The following UNC5D variants were observed in gnomAD, a reference collection of about 807,000 sequenced individuals.
UNC5D encodes the protein netrin receptor UNC5D.
A neutral mutation model predicts 105.4 loss-of-function variants in UNC5D; 39 were observed. That is an observed-to-expected ratio of 0.37 (90% CI 0.29 to 0.48). The LOEUF is 0.48. Among genes scored for constraint, UNC5D ranks in the 20% least tolerant of loss-of-function variants. The probability of loss-of-function intolerance (pLI) is 0.98; values close to 1 mark genes in which losing one functional copy is unlikely to be tolerated. For synonymous variants in UNC5D, 452 were observed against 450.4 expected (o/e 1.00, Z -0.04); for missense variants, 991 against 1,202.4 (o/e 0.82, Z 2.60).
intron 16 of UNC5D, among the ~76,000 whole-genome samples, chr8:35,789,391 A>G (rs530919368): frequency 1.5e-4 from 23 of 151,498 alleles, no homozygotes; most frequent in African/African-American, 5.1e-4. Context: ...TAAATTAGGT[A>G]TAGGTAGTAA....
chr8:35,451,992 T>G (rs77132978), intron 1 of UNC5D, among the ~76,000 whole-genome samples: 3,582 of 152,272 alleles, frequency 0.024, 148 homozygotes, highest in African/African-American at 0.083. Flanking sequence ...AAGCAATACT[T>G]TAGCTCCTTT....
At chr8:35,457,061 C>G (rs1808545770) in intron 1 of UNC5D, among the ~76,000 whole-genome samples, 1 of 152,162 alleles carries the variant, frequency 6.6e-6, no homozygotes, top group Non-Finnish European at 1.5e-5. Context: ...TCCAACTTGA[C>G]TTCATTTTCC....
intron 1 of UNC5D, among the ~76,000 whole-genome samples, chr8:35,268,810 C>A (rs778960742): frequency 6.6e-6 from 1 of 152,014 alleles, no homozygotes; most frequent in Non-Finnish European, 1.5e-5. Context: ...GGAATACAGT[C>A]AGAGAAAGAA....
intron 4 of UNC5D, among the ~76,000 whole-genome samples, chr8:35,649,296 T>C (rs867424203): frequency 3.9e-5 from 6 of 152,054 alleles, no homozygotes; most frequent in African/African-American, 1.2e-4. Flanking sequence ...AGAGATGGCA[T>C]TGGTTGGCAT....
At chr8:35,695,626 C>T (rs902884055) in intron 7 of UNC5D, among the ~76,000 whole-genome samples, 2 of 151,874 alleles carry the variant, frequency 1.3e-5, no homozygotes. Flanking sequence ...GCAGTTCTTG[C>T]CATATTGAGA....
At chr8:35,260,230 C>T (rs1473949513) in intron 1 of UNC5D, among the ~76,000 whole-genome samples, 3 of 152,088 alleles carry the variant, frequency 2.0e-5, no homozygotes, top group African/African-American at 7.2e-5. Flanking sequence ...ACCAGCCAGC[C>T]CCATTACCTC....
intron 11 of UNC5D, among the ~76,000 whole-genome samples, chr8:35,746,400 C>T (rs1386421431): frequency 1.3e-5 from 2 of 151,962 alleles, no homozygotes; most frequent in Non-Finnish European, 2.9e-5. Flanking sequence ...TGTGAAGTTC[C>T]GGTGAACTTC....
intron 3 of UNC5D, among the ~76,000 whole-genome samples, chr8:35,586,834 G>T (rs1586189024): frequency 6.6e-6 from 1 of 152,138 alleles, no homozygotes; most frequent in East Asian, 1.9e-4. Context: ...TGCATTAACT[G>T]CCAGAACATT....
chr8:35,443,095 A>G (rs1035017649), intron 1 of UNC5D, among the ~76,000 whole-genome samples: 3 of 151,898 alleles, frequency 2.0e-5, no homozygotes, highest in Non-Finnish European at 4.4e-5. Context: ...GGACATATTC[A>G]CATATTTTCT....
Position 35,604,403 on chromosome 8 carries a change from G to A in UNC5D, c.570+8746G>A, listed in dbSNP as rs542233133. 1.8e-4 allele frequency among the ~76,000 whole-genome samples: 27 copies of A among 152,256 alleles called. No homozygotes were observed. The South Asian group carries it at 3.1e-3, about 18-fold the overall frequency. On this transcript the variant is annotated intron_variant, in intron 4 of 16. Transcript: ENST00000404895. ...CTCTTCTGGCTTGTAGAGTTTCTGC[G>A]GAGAGATCAGCTGTTAGTCTGATGG...
intron 1 of UNC5D, among the ~76,000 whole-genome samples, chr8:35,317,407 A>G (rs1286017376): frequency 4.6e-5 from 7 of 152,112 alleles, no homozygotes; most frequent in Non-Finnish European, 7.4e-5. Context: ...CACTGGCCAC[A>G]ATGGCTATTA....
chr8:35,243,994 T>C (rs1006065476), intron 1 of UNC5D, among the ~76,000 whole-genome samples: 2 of 152,202 alleles, frequency 1.3e-5, no homozygotes, highest in Middle Eastern at 3.2e-3. Context: ...TTTAGACAGA[T>C]ACTAAGGCCT....
intron 3 of UNC5D, among the ~76,000 whole-genome samples, chr8:35,585,552 G>A (rs6994823): frequency 0.17 from 24,794 of 144,926 alleles, 4,485 homozygotes; most frequent in African/African-American, 0.47. Context: ...GTGTGTGTGT[G>A]TATATATGTA....
chr8:35,336,028 G>T (rs1014127689), intron 1 of UNC5D, among the ~76,000 whole-genome samples: 18 of 152,016 alleles, frequency 1.2e-4, no homozygotes, highest in African/African-American at 4.3e-4. Flanking sequence ...CTCCCAAAGT[G>T]TTGGGATTGC....
At chr8:35,673,239 A>ATATT (rs1824946849) in intron 4 of UNC5D, among the ~76,000 whole-genome samples, 1 of 152,160 alleles carries the variant, frequency 6.6e-6, no homozygotes, top group Non-Finnish European at 1.5e-5. Flanking sequence ...CTTGAAAGAA[A>ATATT]TATTATCAAG....
intron 15 of UNC5D, among the ~76,000 whole-genome samples, chr8:35,768,124 T>A (rs1486938399): frequency 2.0e-5 from 3 of 151,958 alleles, no homozygotes; most frequent in Non-Finnish European, 4.4e-5. Flanking sequence ...CCTGGATAAT[T>A]TATAGCTGTA....
chr8:35,471,103 G>C (rs911213441), intron 1 of UNC5D, among the ~76,000 whole-genome samples: 11 of 152,082 alleles, frequency 7.2e-5, no homozygotes, highest in African/African-American at 2.4e-4. Flanking sequence ...ACTGCTGTCT[G>C]TTCAACCCCT....
At chr8:35,696,873 C>A (rs904766165) in intron 7 of UNC5D, among the ~76,000 whole-genome samples, 1 of 151,994 alleles carries the variant, frequency 6.6e-6, no homozygotes, top group Non-Finnish European at 1.5e-5. Context: ...TAGTACAGGA[C>A]AGTGTTAGTG....
chr8:35,662,556 A>G (rs942311501), intron 4 of UNC5D, among the ~76,000 whole-genome samples: 1 of 152,240 alleles, frequency 6.6e-6, no homozygotes, highest in African/African-American at 2.4e-5. Context: ...TTCCAGGATC[A>G]TGATGGGGAC....
Sources: allele counts gnomAD v4.1 joint callset (sites outside exome capture counted in the v4.1 genomes callset), GRCh38; gene constraint gnomAD v4.1.1; transcripts MANE v1.5; gene names NCBI Gene and HGNC (gene_info 2026-07-23, HGNC 2026-07-21).